The following CCDC7 variants were observed in gnomAD, a reference collection of about 807,000 sequenced individuals.
CCDC7 encodes the protein coiled-coil domain containing 7.
Under a neutral mutation model 196.9 loss-of-function variants are expected in CCDC7, and 183 were observed. That is an observed-to-expected ratio of 0.93 (90% CI 0.82 to 1.05). CCDC7 has a LOEUF of 1.05. CCDC7 is among the 50% of genes least tolerant of loss of function. CCDC7 has a pLI of 0.00. For synonymous variants in CCDC7, 525 were observed against 484.6 expected, an observed-to-expected ratio of 1.08 and a Z score of -1.10; for missense variants, 1,540 against 1,482.2, an observed-to-expected ratio of 1.04 and a Z score of -0.64.
At chr10:32,512,292 G>A (rs994647564) in intron 9 of CCDC7, 5 of 152,556 alleles carry the variant, frequency 3.3e-5, no homozygotes, top group African/African-American at 1.2e-4. Context: ...GGACAGGAAA[G>A]CAGTCCTGTT....
At chr10:32,518,058 C>A in intron 10 of CCDC7, 83 bp downstream of exon 11, 1 of 1,435,312 alleles carries the variant, frequency 7.0e-7, no homozygotes, top group Non-Finnish European at 9.3e-7. Context: ...ATACATAATC[C>A]TATATAAAGA....
intron 11 of CCDC7, among the ~76,000 whole-genome samples, chr10:32,523,899 C>T (rs2048259283): frequency 6.6e-6 from 1 of 151,606 alleles, no homozygotes. Context: ...TTGTAGGCAA[C>T]AAATTATTGG....
At chr10:32,675,178 T>C (rs1421280098) in intron 21 of CCDC7, among the ~76,000 whole-genome samples, 1 of 152,094 alleles carries the variant, frequency 6.6e-6, no homozygotes. Flanking sequence ...TATCTTCCTC[T>C]CTTTCTGCTT....
chr10:32,653,204 G>T (rs919767446), intron 20 of CCDC7, among the ~76,000 whole-genome samples: 2 of 151,992 alleles, frequency 1.3e-5, no homozygotes, highest in Non-Finnish European at 2.9e-5. Flanking sequence ...GTGTTTAAGG[G>T]GTATAGGACT....
intron 6 of CCDC7, among the ~76,000 whole-genome samples, chr10:32,471,599 T>A (rs11819598): frequency 0.044 from 6,765 of 152,212 alleles, 500 homozygotes; most frequent in African/African-American, 0.15. Context: ...TAGTAATAAA[T>A]AGGAAACTAA....
chr10:32,700,213 T>C (rs1214245709), intron 24 of CCDC7, among the ~76,000 whole-genome samples: 1 of 149,484 alleles, frequency 6.7e-6, no homozygotes, highest in Non-Finnish European at 1.5e-5. Flanking sequence ...CTTTAATCGA[T>C]CTTGAATTAA....
At chr10:32,492,295 A>G (rs995419152) in intron 9 of CCDC7, among the ~76,000 whole-genome samples, 14 of 152,140 alleles carry the variant, frequency 9.2e-5, no homozygotes, top group African/African-American at 2.9e-4. Context: ...TCCTAAAAAA[A>G]TTAAAAACAG....
At chr10:32,782,788 G>A (rs865981329) in intron 29 of CCDC7, among the ~76,000 whole-genome samples, 103 of 152,222 alleles carry the variant, frequency 6.8e-4, no homozygotes, top group African/African-American at 2.2e-3. Context: ...TGATATACTG[G>A]CATAAAGCAG....
chr10:32,582,678 A>T (rs1484633143), intron 16 of CCDC7, among the ~76,000 whole-genome samples: 2 of 152,176 alleles, frequency 1.3e-5, no homozygotes, highest in Non-Finnish European at 2.9e-5. Flanking sequence ...TCTGAAATAA[A>T]ATTGTGGAAA....
chr10:32,824,392 C>T (rs966262608), intron 31 of CCDC7, 126 bp from the exon 33 acceptor site: 1 of 529,968 alleles, frequency 1.9e-6, no homozygotes, highest in Non-Finnish European at 3.3e-6. Flanking sequence ...TTGCTGCAAT[C>T]TGGACACTTT....
intron 21 of CCDC7, among the ~76,000 whole-genome samples, chr10:32,683,651 T>C (rs2076118080): frequency 6.6e-6 from 1 of 152,212 alleles, no homozygotes; most frequent in African/African-American, 2.4e-5. Flanking sequence ...TCTGATTTCT[T>C]TTAGCAGTGC....
At chr10:32,693,473 C>T (rs1211350830) in intron 23 of CCDC7, among the ~76,000 whole-genome samples, 1 of 151,572 alleles carries the variant, frequency 6.6e-6, no homozygotes, top group Non-Finnish European at 1.5e-5. Flanking sequence ...TATTTTTTTC[C>T]TTCACATTAT....
chr10:32,658,754 C>A (rs1362623099), intron 20 of CCDC7, among the ~76,000 whole-genome samples: 1 of 152,020 alleles, frequency 6.6e-6, no homozygotes, highest in Non-Finnish European at 1.5e-5. Context: ...TAATCCAGGC[C>A]CATAAAGACA....
chr10:32,759,369 G>A (rs1427530452), intron 28 of CCDC7, among the ~76,000 whole-genome samples: 2 of 152,024 alleles, frequency 1.3e-5, no homozygotes, highest in Admixed American at 6.6e-5. Flanking sequence ...GTAACCAAAA[G>A]AGCATGGTAC....
At chr10:32,455,008 C>G (rs73251514) in intron 2 of CCDC7, among the ~76,000 whole-genome samples, 1,942 of 152,288 alleles carry the variant, frequency 0.013, 48 homozygotes, top group African/African-American at 0.045. Context: ...GTACTTAACT[C>G]TCTTGCCCTG....
chr10:32,540,890 A>G (rs7922351), intron 11 of CCDC7, among the ~76,000 whole-genome samples: 140,429 of 152,118 alleles, frequency 0.92, 65,815 homozygotes, highest in East Asian at 1. Flanking sequence ...GGGGCTCTGT[A>G]TATTTCCCGG....
At chr10:32,830,931 A>T (rs907930904) in intron 32 of CCDC7, among the ~76,000 whole-genome samples, 1 of 152,226 alleles carries the variant, frequency 6.6e-6, no homozygotes, top group African/African-American at 2.4e-5. Flanking sequence ...ATTGAGAGAC[A>T]AAGTGAAAAC....
intron 16 of CCDC7, among the ~76,000 whole-genome samples, chr10:32,578,100 G>A (rs765510371): frequency 3.3e-5 from 5 of 152,162 alleles, no homozygotes; most frequent in Non-Finnish European, 5.9e-5. Context: ...TTGTTTTTAG[G>A]ATGCCTAGAC....
At position 32,857,397 on chromosome 10, in the gene CCDC7, A is replaced by C. The variant is rs150402581; in HGVS notation, c.4111+2908A>C. The stretch of plus-strand genomic sequence containing the variant: ...ATTAGGCCATAAAACAAGTCTTAAC[A>C]AATTCAAGAAGATTAAGAATATACC... On this transcript the variant is annotated intron_variant, in intron 41 of 41. Coordinates refer to ENST00000639629, the Ensembl canonical transcript of CCDC7. Among the ~76,000 whole-genome samples the C allele has an allele frequency of 6.2e-4, 95 of 152,334 alleles. 3 individuals carry two copies. The East Asian group carries it at 0.018, about 29-fold the overall frequency.
Sources: gnomAD v4.1 joint callset for allele counts (sites outside exome capture counted in the v4.1 genomes callset) on GRCh38, gnomAD v4.1.1 for gene constraint, MANE v1.5 for transcripts, NCBI Gene and HGNC (gene_info 2026-07-23, HGNC 2026-07-21) for gene names.